Variants in RPS20 observed in about 807,000 individuals in gnomAD.
RPS20 encodes the protein small ribosomal subunit protein uS10.
In RPS20, 3 loss-of-function variants were observed where a neutral mutation model predicts 15.3. The observed-to-expected ratio is 0.20, with a 90% CI of 0.09 to 0.51. The LOEUF (loss-of-function observed/expected upper bound fraction) is 0.51, where lower values mean the gene tolerates loss of function less well. RPS20 is among the 20% of genes least tolerant of loss of function. The pLI is 0.96. For missense variants in RPS20, 67 were observed against 145.9 expected, an observed-to-expected ratio of 0.46 and a Z score of 2.79; for synonymous variants, 62 against 47.8, an observed-to-expected ratio of 1.30 and a Z score of -1.23.
At chr8:56,071,578 A>G (rs1223830744), downstream of RPS20, among the ~76,000 whole-genome samples, 2 of 152,200 alleles carry the variant, frequency 1.3e-5, no homozygotes, top group Non-Finnish European at 2.9e-5. Context: ...GGGTGACTCC[A>G]GTTTGAACTG....
At chr8:56,070,710 C>CA (rs1173254249), downstream of RPS20, among the ~76,000 whole-genome samples, 2 of 146,646 alleles carry the variant, frequency 1.4e-5, no homozygotes, top group African/African-American at 5.1e-5. Flanking sequence ...ACCTGGGTGA[C>CA]ACAGCGAGAC....
chr8:56,071,752 T>TTG (rs1442018115), downstream of RPS20, among the ~76,000 whole-genome samples: 2 of 152,202 alleles, frequency 1.3e-5, no homozygotes, highest in Non-Finnish European at 2.9e-5. Context: ...TTTGAAAAGA[T>TTG]AGCAGAGTTC....
Position 56,073,683 on chromosome 8 carries a change from G to T in RPS20, c.177+12C>A, listed in dbSNP as rs752988623. ...AGCAACTCCTACTTCCTGCCCCTCC[G>T]ATTTACTTTACCTTGGTAGGCATTC... On this transcript the variant is annotated intron_variant, in intron 3 of 3. Transcript: ENST00000009589. 8.7e-6 allele frequency: 14 copies of T among 1,610,576 alleles called. No homozygotes were observed. Among genetic ancestry groups the T allele is most frequent in the South Asian group, 3.3e-5 (3 of 90,968 alleles).
downstream of RPS20, chr8:56,069,954 G>A: frequency 3.0e-6 from 2 of 670,834 alleles, no homozygotes; most frequent in South Asian, 3.2e-5. Flanking sequence ...CATTGTATTA[G>A]GTATTACAAG....
chr8:56,073,671 T>G, intron 3 of RPS20, 24 bp downstream of exon 3: 1 of 1,602,590 alleles, frequency 6.2e-7, no homozygotes, highest in Non-Finnish European at 8.5e-7. Flanking sequence ...AACTCCTACT[T>G]CCTGCCCCTC....
chr8:56,074,115 T>G lies in RPS20; in HGVS notation c.48A>C (p.Ala16=). 6.2e-7 allele frequency: 1 copy of G among 1,613,974 alleles called. No individual in the cohort carries two copies. The highest frequency in any genetic ancestry group is 8.5e-7 in the Non-Finnish European group (1 of 1,180,004). ...TTAGGGTGATTCGAATTCGGTGAAT[T>G]GCCACCTCCGGCTCCACGGGTGTTT... ...TGKTPVEPEV[A]IHRIRITLTS... Residue 16 remains alanine, a synonymous_variant, in exon 2 of 4, where the codon GCA becomes GCC. Coordinates refer to ENST00000009589, the MANE Select transcript of RPS20 (RefSeq NM_001023.4).
In RPS20 at chr8:56,073,304, T is replaced by C; in HGVS notation, c.178-32A>G. 3.0e-6 allele frequency: 4 copies of C among 1,343,162 alleles called. No homozygotes were observed. The South Asian group carries it at 4.7e-5, about 16-fold the overall frequency. The allele number at this position is 1,343,162 out of a possible 1,614,324, so 83.2% of individuals were successfully genotyped here. On this transcript the variant is annotated intron_variant, in intron 3 of 3. Transcript: ENST00000009589. ...CAAAAGACAAAGGAAACCAAGTGTTTATCGTTTTATACTTATCCCTAGAAC... is the reference window on the plus strand; with the variant it reads ...CAAAAGACAAAGGAAACCAAGTGTTCATCGTTTTATACTTATCCCTAGAAC...
At chr8:56,069,400 G>A (rs113648677), downstream of RPS20, among the ~76,000 whole-genome samples, 4,112 of 152,178 alleles carry the variant, frequency 0.027, 62 homozygotes, top group South Asian at 0.04. Flanking sequence ...CCAGGTTCAA[G>A]AGATTCTCCT....
intron 3 of RPS20, 56 bp from the exon 4 acceptor site, chr8:56,073,328 A>C (rs1199773820): frequency 5.5e-6 from 6 of 1,096,608 alleles, no homozygotes; most frequent in Non-Finnish European, 6.9e-6. Flanking sequence ...TATCCCTAGA[A>C]CATCTGGAAA....
At chr8:56,069,960 A>T (rs976195294), downstream of RPS20, 1 of 665,406 alleles carries the variant, frequency 1.5e-6, no homozygotes, top group South Asian at 1.6e-5. Context: ...ATTAGGTATT[A>T]CAAGTAATCT....
At chr8:56,072,963 AC>A, downstream of RPS20, 2 of 1,440,408 alleles carry the variant, frequency 1.4e-6, no homozygotes, top group Non-Finnish European at 9.1e-7. Context: ...ACTCTAAGAT[AC>A]CCATATATTC....
downstream of RPS20, among the ~76,000 whole-genome samples, chr8:56,069,130 A>G (rs1027827839): frequency 6.6e-6 from 1 of 152,084 alleles, no homozygotes; most frequent in African/African-American, 2.4e-5. Flanking sequence ...TACAGAACAA[A>G]AGGTATAGAA....
Position 56,074,041 on chromosome 8 carries a change from G to T in RPS20, c.103+19C>A, listed in dbSNP as rs778722919. Reference sequence around the variant, plus strand: ...TTTCGCCCAATTCCCCCTCCCCCCCGCATAACGAATGCACTGACCCTTTTC... The same window carrying T: ...TTTCGCCCAATTCCCCCTCCCCCCCTCATAACGAATGCACTGACCCTTTTC... On this transcript the variant is annotated intron_variant, in intron 2 of 3. Coordinates refer to ENST00000009589, the MANE Select transcript of RPS20 (RefSeq NM_001023.4). 10 of 1,568,192 alleles carry T rather than the reference G, an allele frequency of 6.4e-6. No individual in the cohort carries two copies. The highest frequency in any genetic ancestry group is 1.7e-5 in the Admixed American group (1 of 59,916).
At chr8:56,067,995 T>C (rs1809656118) in exon 6 of RPS20, 1 of 152,202 alleles carries the variant, frequency 6.6e-6, no homozygotes, top group Admixed American at 6.5e-5. Flanking sequence ...AAAGAGTCTC[T>C]TTCAGATTTA....
intron 2 of RPS20, 82 bp from the exon 3 acceptor site, chr8:56,073,850 G>T: frequency 7.5e-7 from 1 of 1,327,918 alleles, no homozygotes; most frequent in Non-Finnish European, 1.1e-6. Flanking sequence ...GCTCAGAATA[G>T]CGTATAAAAT....
chr8:56,068,321 T>C (rs554419574), downstream of RPS20: 16 of 152,282 alleles, frequency 1.1e-4, no homozygotes, highest in African/African-American at 3.8e-4. Context: ...GTGTATCACC[T>C]GAGCTCAGGA....
intron 2 of RPS20, 79 bp downstream of exon 2, chr8:56,073,981 T>C: frequency 3.2e-6 from 4 of 1,258,188 alleles, no homozygotes; most frequent in Admixed American, 1.7e-5. Flanking sequence ...GCAGTCCACC[T>C]TCTACACTAA....
At chr8:56,071,113 T>C (rs951205040), downstream of RPS20, among the ~76,000 whole-genome samples, 1 of 152,250 alleles carries the variant, frequency 6.6e-6, no homozygotes, top group Non-Finnish European at 1.5e-5. Flanking sequence ...ATAGCTTTAA[T>C]CCAACACTTT....
chr8:56,073,676 C>A lies in RPS20; in HGVS notation c.177+19G>T. On this transcript the variant is annotated intron_variant, in intron 3 of 3. Coordinates refer to ENST00000009589, the MANE Select transcript of RPS20 (RefSeq NM_001023.4). ...ATCCGGAAGCAACTCCTACTTCCTGCCCCTCCGATTTACTTTACCTTGGTA... is the reference window on the plus strand; with the variant it reads ...ATCCGGAAGCAACTCCTACTTCCTGACCCTCCGATTTACTTTACCTTGGTA... 1 of 1,603,914 alleles carries A rather than the reference C, an allele frequency of 6.2e-7. No individual in the cohort carries two copies. The highest frequency in any genetic ancestry group is 8.5e-7 in the Non-Finnish European group (1 of 1,171,924).
Sources: allele counts gnomAD v4.1 joint callset (sites outside exome capture counted in the v4.1 genomes callset), GRCh38; gene constraint gnomAD v4.1.1; transcripts MANE v1.5; gene names NCBI Gene and HGNC (gene_info 2026-07-23, HGNC 2026-07-21).